The following PPARA variants were observed in gnomAD, a reference collection of about 807,000 sequenced individuals.
PPARA encodes the protein peroxisome proliferator activated receptor alpha.
Under a neutral mutation model 42.2 loss-of-function variants are expected in PPARA, and 22 were observed. The ratio of observed to expected loss-of-function variants is 0.52; its 90% CI spans 0.37 to 0.74. The LOEUF is 0.74. Among genes scored for constraint, PPARA ranks in the 30% least tolerant of loss-of-function variants. PPARA has a pLI of 0.00. For missense variants in PPARA, 465 were observed against 608.2 expected (o/e 0.76, Z 2.48); for synonymous variants, 242 against 239.3 (o/e 1.01, Z -0.10).
At chr22:46,174,727 G>A (rs1324352035) in intron 2 of PPARA, among the ~76,000 whole-genome samples, 4 of 152,086 alleles carry the variant, frequency 2.6e-5, no homozygotes, top group Non-Finnish European at 4.4e-5. Flanking sequence ...TGAGGTAGGA[G>A]GATTGCTTGA....
chr22:46,172,447 G>A (rs1267437886), intron 2 of PPARA, among the ~76,000 whole-genome samples: 2 of 152,002 alleles, frequency 1.3e-5, no homozygotes, highest in Admixed American at 6.6e-5. Context: ...TAGCCAACAT[G>A]GTGAAACTGA....
In PPARA at chr22:46,219,885, C is replaced by G; in HGVS notation, c.582C>G (p.Asp194Glu). 1.2e-6 allele frequency: 2 copies of G among 1,614,166 alleles called. No homozygotes were observed. The highest frequency in any genetic ancestry group is 1.7e-6 in the Non-Finnish European group (2 of 1,180,024). Reference protein sequence around the residue: ...LKAEILTCEHDIEDSETADLK... With the variant: ...LKAEILTCEHEIEDSETADLK... ...CAGAAATTCTTACCTGTGAACATGA[C>G]ATAGAAGATTCTGAAACTGCAGATC... is the stretch of plus-strand genomic sequence containing the variant. The change falls in exon 7 of 9, where the codon GAC becomes GAG. Residue 194 changes from aspartate to glutamate, a missense_variant. Coordinates refer to ENST00000407236, the MANE Select transcript of PPARA (RefSeq NM_005036.6). The surrounding 1 kb of genome is among the most constrained non-coding windows in gnomAD (Gnocchi z 4.8).
At chr22:46,198,817 C>T (rs570757825) in intron 4 of PPARA, among the ~76,000 whole-genome samples, 4 of 152,038 alleles carry the variant, frequency 2.6e-5, no homozygotes, top group East Asian at 1.9e-4. Context: ...CCCGCCACCA[C>T]GCCCAGCTAA....
At chr22:46,199,209 G>A (rs1231507793) in intron 4 of PPARA, among the ~76,000 whole-genome samples, 5 of 152,164 alleles carry the variant, frequency 3.3e-5, no homozygotes, top group South Asian at 2.1e-4. Context: ...AAGAGGAGAC[G>A]TGTGCAAGGG....
At position 46,173,825 on chromosome 22, in the gene PPARA, A is replaced by T. The variant is rs1322117959; in HGVS notation, c.-126-2928A>T. On this transcript the variant is annotated intron_variant, in intron 2 of 8. Coordinates refer to ENST00000407236, the MANE Select transcript of PPARA (RefSeq NM_005036.6). This position sits in a 1 kb window ranked among gnomAD's most constrained non-coding sequence, Gnocchi z 4.3. ...GCCATTCTTAGCAAACGTGTAGTTT[A>T]GTATTTAGGAGAAAGGGCCATGAGG... is the stretch of plus-strand genomic sequence containing the variant. 6.6e-6 allele frequency among the ~76,000 whole-genome samples: 1 copy of T among 152,220 alleles called. No individual in the cohort carries two copies. The highest frequency in any genetic ancestry group is 1.5e-5 in the Non-Finnish European group (1 of 68,046).
chr22:46,215,117 C>T, intron 4 of PPARA, 56 bp from the exon 5 acceptor site: 1 of 1,590,572 alleles, frequency 6.3e-7, no homozygotes, highest in Non-Finnish European at 8.6e-7. Flanking sequence ...AGACCCGGTT[C>T]AGACACAGGA....
rs941082866 is a variant in PPARA at position 46,171,820 on chromosome 22, G to C, written c.-126-4933G>C. 2.0e-5 allele frequency among the ~76,000 whole-genome samples: 3 copies of C among 152,174 alleles called. No homozygotes were observed. Among genetic ancestry groups the C allele is most frequent in the Non-Finnish European group, 4.4e-5 (3 of 68,038 alleles). On this transcript the variant is annotated intron_variant, in intron 2 of 8. Transcript: ENST00000407236. This position sits in a 1 kb window ranked among gnomAD's most constrained non-coding sequence, Gnocchi z 5.0. Reference sequence around the variant, plus strand: ...CTCTGGTTTGTGTTGTGTGTGAAAGGCCATGGGATGGGGACCAGCGAGGGC... The same window carrying C: ...CTCTGGTTTGTGTTGTGTGTGAAAGCCCATGGGATGGGGACCAGCGAGGGC...
chr22:46,209,722 T>C (rs957529145), intron 4 of PPARA, among the ~76,000 whole-genome samples: 1 of 152,114 alleles, frequency 6.6e-6, no homozygotes, highest in African/African-American at 2.4e-5. Flanking sequence ...TCTTAAACAT[T>C]TAGAATATGG....
intron 4 of PPARA, among the ~76,000 whole-genome samples, chr22:46,210,322 A>C (rs886871173): frequency 1.5e-4 from 23 of 151,914 alleles, no homozygotes; most frequent in Non-Finnish European, 8.8e-5. Flanking sequence ...AAAAAAAAAA[A>C]AAAAAAACTC....
Position 46,198,402 on chromosome 22 carries a change from C to G in PPARA, c.19C>G (p.Pro7Ala), listed in dbSNP as rs951150616. The G allele has an allele frequency of 1.9e-6, 3 of 1,613,784 alleles. No individual in the cohort carries two copies. Among genetic ancestry groups the G allele is most frequent in the Non-Finnish European group, 2.5e-6 (3 of 1,179,928 alleles). MVDTES[P>A]LCPLSPLEAG... ...GGTCGCGATGGTGGACACGGAAAGC[C>G]CACTCTGCCCCCTCTCCCCACTCGA... The change falls in exon 4 of 9, where the codon CCA becomes GCA. Residue 7 changes from proline (P) to alanine (A), a missense_variant. By Grantham distance (27) the Pro-to-Ala change is conservative. Transcript: ENST00000407236.
At chr22:46,223,488 C>T (rs1935155247) in intron 7 of PPARA, among the ~76,000 whole-genome samples, 1 of 150,662 alleles carries the variant, frequency 6.6e-6, no homozygotes, top group Admixed American at 6.6e-5. Flanking sequence ...ACTAAAAATA[C>T]AAAAATTAGC....
In PPARA at chr22:46,224,177, G is replaced by A. The variant is rs995073156; in HGVS notation, c.711+4163G>A. Among the ~76,000 whole-genome samples, 4 of 152,196 alleles carry A rather than the reference G, an allele frequency of 2.6e-5. No individual in the cohort carries two copies. Among genetic ancestry groups the A allele is most frequent in the Admixed American group, 6.5e-5 (1 of 15,276 alleles). ...ACTGTTTGCTCCAAGCCAGGGTTGC[G>A]TCCCACCCCATGTCCTTGTCTGCGC... On this transcript the variant is annotated intron_variant, in intron 7 of 8. Coordinates refer to ENST00000407236, the MANE Select transcript of PPARA (RefSeq NM_005036.6). This position sits in a 1 kb window ranked among gnomAD's most constrained non-coding sequence, Gnocchi z 5.7.
rs999721482 is a variant in PPARA at position 46,173,264 on chromosome 22, G to A, written c.-126-3489G>A. Among the ~76,000 whole-genome samples the A allele has an allele frequency of 1.3e-5, 2 of 152,176 alleles. No homozygotes were observed. Among genetic ancestry groups the A allele is most frequent in the Admixed American group, 1.3e-4 (2 of 15,272 alleles). On this transcript the variant is annotated intron_variant, in intron 2 of 8. Transcript: ENST00000407236. The surrounding 1 kb of genome is among the most constrained non-coding windows in gnomAD (Gnocchi z 4.3). ...TGTTTTTAGTTTTCTTTTATTTGTTGTGTTGAATAGGAATGTAGCTCTGGG... is the reference window on the plus strand; with the variant it reads ...TGTTTTTAGTTTTCTTTTATTTGTTATGTTGAATAGGAATGTAGCTCTGGG...
In PPARA at chr22:46,216,319, G is replaced by C. The variant is rs1601777766; in HGVS notation, c.369+986G>C. On this transcript the variant is annotated intron_variant, in intron 5 of 8. Transcript: ENST00000407236. This position sits in a 1 kb window ranked among gnomAD's most constrained non-coding sequence, Gnocchi z 4.5. ...AATTGCTTGAACTCAGGAGGCGGAG[G>C]TTGCAGTGAGCTGAGATCGAGCCAT... 6.6e-6 allele frequency among the ~76,000 whole-genome samples: 1 copy of C among 151,280 alleles called. No individual in the cohort carries two copies. Among genetic ancestry groups the C allele is most frequent in the African/African-American group, 2.4e-5 (1 of 41,058 alleles).
In PPARA at chr22:46,232,175, C is replaced by T. The variant is rs754695228; in HGVS notation, c.1095C>T (p.Phe365=). ...MEPKFDFAMK[F]NALELDDSDI... Reference sequence around the variant, plus strand: ...CCAAGTTTGATTTTGCCATGAAGTTCAATGCACTGGAACTGGATGACAGTG... The same window carrying T: ...CCAAGTTTGATTTTGCCATGAAGTTTAATGCACTGGAACTGGATGACAGTG... The change falls in exon 8 of 9, where the codon TTC becomes TTT. Residue 365 remains phenylalanine, a synonymous_variant. Transcript: ENST00000407236. This position sits in a 1 kb window ranked among gnomAD's most constrained non-coding sequence, Gnocchi z 5.3. 1 of 1,614,162 alleles carries T rather than the reference C, an allele frequency of 6.2e-7. No homozygotes were observed. The highest frequency in any genetic ancestry group is 8.5e-7 in the Non-Finnish European group (1 of 1,180,038).
rs1344534686 is a variant in PPARA at position 46,204,029 on chromosome 22, C to T, written c.208+5438C>T. On this transcript the variant is annotated intron_variant, in intron 4 of 8. Coordinates refer to ENST00000407236, the MANE Select transcript of PPARA (RefSeq NM_005036.6). The surrounding 1 kb of genome is among the most constrained non-coding windows in gnomAD (Gnocchi z 5.2). ...CAGCCCCGTGCCTCCCTGCCTCCCT[C>T]CCCCAGTAAACCATGAATCCACTTT... Among the ~76,000 whole-genome samples the T allele has an allele frequency of 6.6e-6, 1 of 152,236 alleles. No homozygotes were observed. Among genetic ancestry groups the T allele is most frequent in the East Asian group, 1.9e-4 (1 of 5,206 alleles).
rs1197379781 is a variant in PPARA at position 46,180,449 on chromosome 22, C to G, written c.-43+3613C>G. Among the ~76,000 whole-genome samples the G allele has an allele frequency of 6.6e-6, 1 of 152,184 alleles. No homozygotes were observed. ...GAATATTAATTTTCCTTGTGTGAAA[C>G]ATTAATCTTATCTAGCCTCCATGTA... On this transcript the variant is annotated intron_variant, in intron 3 of 8. Coordinates refer to ENST00000407236, the MANE Select transcript of PPARA (RefSeq NM_005036.6). This position sits in a 1 kb window ranked among gnomAD's most constrained non-coding sequence, Gnocchi z 4.2.
At position 46,235,163 on chromosome 22, in the gene PPARA, T is replaced by C; in HGVS notation, c.1190T>C (p.Ile397Thr). 6.2e-7 allele frequency: 1 copy of C among 1,613,992 alleles called. No homozygotes were observed. The highest frequency in any genetic ancestry group is 8.5e-7 in the Non-Finnish European group (1 of 1,179,902). Residue 397 changes from isoleucine (I) to threonine (T), a missense_variant, in exon 9 of 9, where the codon ATT becomes ACT. Coordinates refer to ENST00000407236, the MANE Select transcript of PPARA (RefSeq NM_005036.6). The surrounding 1 kb of genome is among the most constrained non-coding windows in gnomAD (Gnocchi z 7.0). The part of the protein sequence containing the change: ...DRPGLLNVGH[I>T]EKMQEGIVHV... ...CCTGGCCTTCTAAACGTAGGACACA[T>C]TGAAAAAATGCAGGAGGGTATTGTA...
At chr22:46,153,163 C>CTTTTTTTTTTTTTTTTTTTT in intron 2 of PPARA, among the ~76,000 whole-genome samples, 1 of 109,216 alleles carries the variant, frequency 9.2e-6, no homozygotes, top group Non-Finnish European at 1.8e-5. Context: ...TTCCCACATC[C>CTTTTTTTTTTTTTTTTTTTT]TTTTTTTTTT....
Sources: gnomAD v4.1 joint callset for allele counts (sites outside exome capture counted in the v4.1 genomes callset) on GRCh38, gnomAD v4.1.1 for gene constraint, Gnocchi (gnomAD v3.1) non-coding constraint, MANE v1.5 for transcripts, NCBI Gene and HGNC (gene_info 2026-07-23, HGNC 2026-07-21) for gene names.